The following ADGRE2 variants were observed in gnomAD, a reference collection of about 807,000 sequenced individuals.
ADGRE2 encodes the protein CD97 antigen.
In ADGRE2, 83 loss-of-function variants were observed where a neutral mutation model predicts 100.8. That is an observed-to-expected ratio of 0.82 (90% CI 0.69 to 0.99). The LOEUF (loss-of-function observed/expected upper bound fraction) is 0.99, where lower values mean the gene tolerates loss of function less well. Ranked by LOEUF, ADGRE2 falls within the 50% of genes least tolerant of loss-of-function variation. ADGRE2 has a pLI of 0.00. For missense variants in ADGRE2, 814 were observed against 1,035.7 expected, an observed-to-expected ratio of 0.79 and a Z score of 2.94; for synonymous variants, 355 against 413.0, an observed-to-expected ratio of 0.86 and a Z score of 1.70.
chr19:14,743,540 CAA>C lies in ADGRE2; in HGVS notation c.2353-12_2353-11del, dbSNP rs1303538654. 1 of 1,613,766 alleles carries C rather than the reference CAA, an allele frequency of 6.2e-7. No homozygotes were observed. Among genetic ancestry groups the C allele is most frequent in the African/African-American group, 1.3e-5 (1 of 74,908 alleles). ...CATATTGCTCCCGGACCTGCAGAGGCAAAGTGTGTACTGGGTCAGCTCACAGA... is the reference window on the plus strand; with the variant it reads ...CATATTGCTCCCGGACCTGCAGAGGCAGTGTGTACTGGGTCAGCTCACAGA... On this transcript the variant is annotated splice_polypyrimidine_tract_variant and intron_variant, in intron 19 of 20. Transcript: ENST00000315576.
intron 6 of ADGRE2, among the ~76,000 whole-genome samples, 156 bp from the exon 7 acceptor site, chr19:14,766,537 A>G (rs993900890): frequency 3.3e-5 from 5 of 152,116 alleles, no homozygotes; most frequent in African/African-American, 4.8e-5. Flanking sequence ...CCTTCAAAGC[A>G]TCTTATGATG....
intron 11 of ADGRE2, among the ~76,000 whole-genome samples, chr19:14,761,147 T>A (rs902334993): frequency 2.0e-5 from 3 of 152,212 alleles, no homozygotes; most frequent in Admixed American, 1.3e-4. Flanking sequence ...CTCACGCCTG[T>A]AATCCCAGCA....
rs1407529958 is a variant in ADGRE2 at position 14,732,502 on chromosome 19, A to G, written c.*3734T>C. On this transcript the variant is annotated 3_prime_UTR_variant, in exon 21 of 21. Transcript: ENST00000315576. ...TATGTGCTCATCACATATGTGATGA[A>G]TGGATGAATAAATTAGTGTAGAGTG... 2.0e-5 allele frequency: 3 copies of G among 152,196 alleles called. No individual in the cohort carries two copies. Among genetic ancestry groups the G allele is most frequent in the Non-Finnish European group, 4.4e-5 (3 of 68,030 alleles). The allele number at this position is 152,196 out of a possible 1,614,324, so 9.4% of individuals were successfully genotyped here.
At position 14,764,586 on chromosome 19, in the gene ADGRE2, G is replaced by C; in HGVS notation, c.931C>G (p.Leu311Val). ...TCCAGGTCCCCAGGGGCCTCCAGCA[G>C]CTCATCCAGCGCCTGTAAGATGCTC... ...IQSILQALDE[L>V]LEAPGDLETL... The change falls in exon 11 of 21, where the codon CTG becomes GTG. Residue 311 changes from leucine (L) to valine (V), a missense_variant. Coordinates refer to ENST00000315576, the MANE Select transcript of ADGRE2 (RefSeq NM_013447.4). The C allele has an allele frequency of 6.2e-7, 1 of 1,612,452 alleles. No individual in the cohort carries two copies. Among genetic ancestry groups the C allele is most frequent in the Non-Finnish European group, 8.5e-7 (1 of 1,179,822 alleles).
In ADGRE2 at chr19:14,776,881, G is replaced by T. The variant is rs546164837; in HGVS notation, c.-125C>A. 360 of 1,531,548 alleles carry T rather than the reference G, an allele frequency of 2.4e-4. 1 individual carries two copies. In the African/African-American group the frequency reaches 4.2e-3, roughly 18 times the overall value. 94.9% of individuals were successfully genotyped at this position (1,531,548 alleles called of 1,614,324 possible). On this transcript the variant is annotated 5_prime_UTR_variant, in exon 2 of 21. Transcript: ENST00000315576. ...GGCCAGGACTTTATAAAGGAGGGGG[G>T]GCGGACAGCCGCTGGCCCAGGGCCC... is the stretch of plus-strand genomic sequence containing the variant.
chr19:14,757,005 C>G (rs2043523224), intron 11 of ADGRE2, among the ~76,000 whole-genome samples: 1 of 151,978 alleles, frequency 6.6e-6, no homozygotes, highest in African/African-American at 2.4e-5. Context: ...TGGGCTCAAC[C>G]AATCCTTCCA....
intron 1 of ADGRE2, among the ~76,000 whole-genome samples, chr19:14,777,561 G>C (rs942738797): frequency 2.0e-5 from 3 of 151,960 alleles, no homozygotes; most frequent in Non-Finnish European, 4.4e-5. Flanking sequence ...TTGATACATA[G>C]GCATACATGT....
chr19:14,774,454 C>G (rs1256126615), intron 2 of ADGRE2, 148 bp from the exon 3 acceptor site: 1 of 1,429,112 alleles, frequency 7.0e-7, no homozygotes, highest in Non-Finnish European at 9.5e-7. Context: ...GATGTCACGT[C>G]CCACTCGGAT....
At chr19:14,777,644 AG>A (rs2044486709) in intron 1 of ADGRE2, among the ~76,000 whole-genome samples, 1 of 64,936 alleles carries the variant, frequency 1.5e-5, no homozygotes, top group African/African-American at 6.0e-5. Flanking sequence ...TCCCTCCCCC[AG>A]GCCCCCACCC....
chr19:14,728,580 C>G (rs1350159542), downstream of ADGRE2, among the ~76,000 whole-genome samples: 1 of 152,194 alleles, frequency 6.6e-6, no homozygotes, highest in Non-Finnish European at 1.5e-5. Context: ...TGAAGCCACT[C>G]ATCTCAAACA....
In ADGRE2 at chr19:14,765,315, C is replaced by T. The variant is rs1409363919; in HGVS notation, c.906+5G>A. 6.2e-7 allele frequency: 1 copy of T among 1,614,088 alleles called. No individual in the cohort carries two copies. Among genetic ancestry groups the T allele is most frequent in the South Asian group, 1.1e-5 (1 of 91,082 alleles). ...TCGCCCCCTTGCCCTGGGTCCTGTC[C>T]TTACCTGGATGGTGTTATTGGCCAA... On this transcript the variant is annotated splice_donor_5th_base_variant and intron_variant, in intron 10 of 20. Transcript: ENST00000315576.
chr19:14,748,292 G>C (rs2107229), intron 16 of ADGRE2, among the ~76,000 whole-genome samples: 47,573 of 149,572 alleles, frequency 0.32, 7,941 homozygotes, highest in Middle Eastern at 0.39. Context: ...CATCCATATT[G>C]CTGCAAAGGA....
intron 18 of ADGRE2, among the ~76,000 whole-genome samples, chr19:14,744,837 C>T (rs563005195): frequency 1.3e-4 from 20 of 151,666 alleles, no homozygotes; most frequent in Admixed American, 3.3e-4. Flanking sequence ...ACTGAGGGTA[C>T]GGTATGAAGG....
At chr19:14,769,940 C>T (rs1009574651) in intron 5 of ADGRE2, among the ~76,000 whole-genome samples, 1 of 152,122 alleles carries the variant, frequency 6.6e-6, no homozygotes, top group Non-Finnish European at 1.5e-5. Flanking sequence ...CCTTGTGATC[C>T]GCCCACCTCG....
At position 14,776,672 on chromosome 19, in the gene ADGRE2, G is replaced by A. The variant is rs1425134325; in HGVS notation, c.31+54C>T. The A allele has an allele frequency of 2.5e-6, 4 of 1,573,396 alleles. No homozygotes were observed. In the Admixed American group the frequency reaches 7.3e-5, roughly 29 times the overall value. ...TCCCGTTTCTCAGACGCATCCAAGGGGTCCCGCTGGAGCTTCCTCGCTACC... is the reference window on the plus strand; with the variant it reads ...TCCCGTTTCTCAGACGCATCCAAGGAGTCCCGCTGGAGCTTCCTCGCTACC... On this transcript the variant is annotated intron_variant, in intron 2 of 20. Coordinates refer to ENST00000315576, the MANE Select transcript of ADGRE2 (RefSeq NM_013447.4).
chr19:14,772,226 A>G, intron 5 of ADGRE2, 116 bp downstream of exon 5: 1 of 1,435,040 alleles, frequency 7.0e-7, no homozygotes, highest in Non-Finnish European at 9.7e-7. Context: ...GTCTCATCTC[A>G]GACTCCAGGA....
downstream of ADGRE2, among the ~76,000 whole-genome samples, chr19:14,729,174 C>A (rs1031988609): frequency 2.0e-5 from 3 of 152,032 alleles, no homozygotes; most frequent in African/African-American, 4.8e-5. Flanking sequence ...ACAGACTGAA[C>A]CTTTGAAGAG....
At chr19:14,772,309 C>T (rs1445915260) in intron 5 of ADGRE2, 33 bp downstream of exon 5, 1 of 1,613,594 alleles carries the variant, frequency 6.2e-7, no homozygotes, top group Non-Finnish European at 8.5e-7. Flanking sequence ...ACCTCATGGA[C>T]AGTGGTGATG....
intron 2 of ADGRE2, among the ~76,000 whole-genome samples, chr19:14,776,095 C>G (rs2044427431): frequency 6.6e-6 from 1 of 152,130 alleles, no homozygotes; most frequent in Non-Finnish European, 1.5e-5. Flanking sequence ...GGAAGTTCCC[C>G]TTTCCAAGGC....
Sources: gnomAD v4.1 joint callset for allele counts (sites outside exome capture counted in the v4.1 genomes callset) on GRCh38, gnomAD v4.1.1 for gene constraint, MANE v1.5 for transcripts, NCBI Gene and HGNC (gene_info 2026-07-23, HGNC 2026-07-21) for gene names.